HS6ST3: variants seen among roughly 807,000 people sequenced by gnomAD.
HS6ST3 encodes heparan-sulfate 6-O-sulfotransferase 3.
Under a neutral mutation model 36.7 loss-of-function variants are expected in HS6ST3, and 12 were observed. That is an observed-to-expected ratio of 0.33 (90% CI 0.21 to 0.53). The LOEUF (loss-of-function observed/expected upper bound fraction) is 0.53. Among genes scored for constraint, HS6ST3 ranks in the 20% least tolerant of loss-of-function variants. The pLI, the probability that HS6ST3 is intolerant of heterozygous loss-of-function variation, is 0.95. For missense variants in HS6ST3, 584 were observed against 640.9 expected (o/e 0.91, Z 0.96); for synonymous variants, 240 against 257.5 (o/e 0.93, Z 0.65).
intron 1 of HS6ST3, among the ~76,000 whole-genome samples, chr13:96,250,911 A>T (rs1405912631): frequency 2.0e-5 from 3 of 152,218 alleles, no homozygotes; most frequent in Non-Finnish European, 4.4e-5. Context: ...GACTTGAGCC[A>T]TCCTTGCATC....
At chr13:96,335,258 T>A (rs1403908863) in intron 1 of HS6ST3, among the ~76,000 whole-genome samples, 1 of 152,178 alleles carries the variant, frequency 6.6e-6, no homozygotes, top group East Asian at 1.9e-4. Context: ...TCCCAGGAAC[T>A]CTTGCAGGTT....
chr13:96,386,671 C>A (rs984662356), intron 1 of HS6ST3, among the ~76,000 whole-genome samples: 1 of 152,050 alleles, frequency 6.6e-6, no homozygotes, highest in Non-Finnish European at 1.5e-5. Context: ...TCAAGACCAT[C>A]CTGCCCAACA....
At chr13:96,362,105 T>G (rs1171904717) in intron 1 of HS6ST3, among the ~76,000 whole-genome samples, 1 of 152,040 alleles carries the variant, frequency 6.6e-6, no homozygotes, top group East Asian at 1.9e-4. Flanking sequence ...AGTGGAAGAG[T>G]AATAGCAGAG....
chr13:96,450,695 A>G (rs1229770290), intron 1 of HS6ST3, among the ~76,000 whole-genome samples: 1 of 152,238 alleles, frequency 6.6e-6, no homozygotes, highest in African/African-American at 2.4e-5. Flanking sequence ...TATGATTAAT[A>G]AGCAATTATG....
intron 1 of HS6ST3, among the ~76,000 whole-genome samples, chr13:96,745,580 C>A (rs1281292565): frequency 6.6e-6 from 1 of 152,048 alleles, no homozygotes; most frequent in Non-Finnish European, 1.5e-5. Context: ...AGTCACCATG[C>A]CCCCATTGAA....
chr13:96,801,589 G>C (rs1449238070), intron 1 of HS6ST3, among the ~76,000 whole-genome samples: 1 of 152,038 alleles, frequency 6.6e-6, no homozygotes, highest in Non-Finnish European at 1.5e-5. Flanking sequence ...ATAATCTCAT[G>C]AACTGTCCTT....
rs886532050 is a variant in HS6ST3, at chr13:96,214,702, G to A, written c.707+123133G>A. On this transcript the variant is annotated intron_variant, in intron 1 of 1. Coordinates refer to ENST00000376705, the MANE Select transcript of HS6ST3 (RefSeq NM_153456.4). ...GGAGCTGTGCACATGTAACCATATC[G>A]TAACCTGAATATCTCTCCAGTTAGC... Among the ~76,000 whole-genome samples, 3 of 152,132 alleles carry A rather than the reference G, an allele frequency of 2.0e-5. No homozygotes were observed. In the East Asian group the frequency reaches 5.8e-4, roughly 29 times the overall value.
At chr13:96,680,062 T>C (rs1421723989) in intron 1 of HS6ST3, among the ~76,000 whole-genome samples, 2 of 152,072 alleles carry the variant, frequency 1.3e-5, no homozygotes, top group Non-Finnish European at 2.9e-5. Context: ...TCCCATCCCA[T>C]CCATCCAAGA....
chr13:96,282,524 C>T (rs935744819), intron 1 of HS6ST3, among the ~76,000 whole-genome samples: 20 of 152,270 alleles, frequency 1.3e-4, no homozygotes, highest in Non-Finnish European at 2.5e-4. Flanking sequence ...AATGGCCTTA[C>T]CCAAAGTTGT....
At chr13:96,266,667 A>G (rs1289840574) in intron 1 of HS6ST3, among the ~76,000 whole-genome samples, 2 of 152,154 alleles carry the variant, frequency 1.3e-5, no homozygotes, top group African/African-American at 4.8e-5. Context: ...AATTTCTAAA[A>G]TTCTTTTCAT....
At chr13:96,732,539 T>C (rs1185675186) in intron 1 of HS6ST3, among the ~76,000 whole-genome samples, 1 of 152,186 alleles carries the variant, frequency 6.6e-6, no homozygotes, top group African/African-American at 2.4e-5. Flanking sequence ...CCACCCTGTT[T>C]GGGTTCCTAT....
chr13:96,322,534 G>A (rs555998076), intron 1 of HS6ST3, among the ~76,000 whole-genome samples: 92 of 152,138 alleles, frequency 6.0e-4, no homozygotes, highest in African/African-American at 2.0e-3. Flanking sequence ...TCTAGCTCGG[G>A]TGACAGAGCC....
chr13:96,496,558 T>C (rs948688662), intron 1 of HS6ST3, among the ~76,000 whole-genome samples: 1 of 152,096 alleles, frequency 6.6e-6, no homozygotes, highest in Non-Finnish European at 1.5e-5. Context: ...GGAGAGGCCA[T>C]GTGGAAAGAG....
chr13:96,215,484 A>T (rs1331430516), intron 1 of HS6ST3, among the ~76,000 whole-genome samples: 1 of 152,194 alleles, frequency 6.6e-6, no homozygotes, highest in Non-Finnish European at 1.5e-5. Flanking sequence ...TTTCTTGGTG[A>T]TATAAAACTG....
intron 1 of HS6ST3, among the ~76,000 whole-genome samples, chr13:96,453,445 G>C (rs1594783625): frequency 6.6e-6 from 1 of 152,012 alleles, no homozygotes; most frequent in East Asian, 1.9e-4. Flanking sequence ...TATCTTCTAA[G>C]ACTGTTTGTC....
intron 1 of HS6ST3, among the ~76,000 whole-genome samples, chr13:96,440,756 T>G (rs2055666872): frequency 6.6e-6 from 1 of 152,056 alleles, no homozygotes. Flanking sequence ...TGGTTTGACT[T>G]AAGGAATCCC....
At chr13:96,474,362 A>G (rs2055853333) in intron 1 of HS6ST3, among the ~76,000 whole-genome samples, 1 of 152,154 alleles carries the variant, frequency 6.6e-6, no homozygotes. Flanking sequence ...TAGCTTAGGG[A>G]CTGGCGTGAC....
chr13:96,273,474 A>C (rs1267138087), intron 1 of HS6ST3, among the ~76,000 whole-genome samples: 3 of 151,904 alleles, frequency 2.0e-5, no homozygotes, highest in African/African-American at 7.3e-5. Flanking sequence ...ACCACTTTTG[A>C]GACTAAGAGG....
At chr13:96,747,029 T>C (rs1227172869) in intron 1 of HS6ST3, among the ~76,000 whole-genome samples, 1 of 152,160 alleles carries the variant, frequency 6.6e-6, no homozygotes, top group Non-Finnish European at 1.5e-5. Flanking sequence ...GAGACTATTT[T>C]TTTTTCCCAA....
Sources: gnomAD v4.1 joint callset for allele counts (sites outside exome capture counted in the v4.1 genomes callset) on GRCh38, gnomAD v4.1.1 for gene constraint, MANE v1.5 for transcripts, NCBI Gene and HGNC (gene_info 2026-07-23, HGNC 2026-07-21) for gene names.